CYRIB: variants seen among roughly 807,000 people sequenced by gnomAD.
The protein encoded by CYRIB is CYFIP-related Rac1 interactor B.
CYRIB carries 8 observed loss-of-function variants against 44.2 expected under a neutral mutation model. That is an observed-to-expected ratio of 0.18 (90% CI 0.11 to 0.33). The LOEUF is 0.33. CYRIB is among the 10% of genes least tolerant of loss of function. The pLI is 1.00. For missense variants in CYRIB, 185 were observed against 382.8 expected (o/e 0.48, Z 4.31); for synonymous variants, 131 against 127.2 (o/e 1.03, Z -0.20).
intron 2 of CYRIB, chr8:129,949,313 T>C (rs980730951): frequency 3.3e-5 from 5 of 152,196 alleles, no homozygotes; most frequent in Admixed American, 2.6e-4. Context: ...CAGAAAGTGA[T>C]TTCTACCCAT....
intron 2 of CYRIB, among the ~76,000 whole-genome samples, chr8:129,964,286 T>C (rs1309142659): frequency 6.6e-6 from 1 of 152,238 alleles, no homozygotes; most frequent in African/African-American, 2.4e-5. Context: ...CTTGCCTTTA[T>C]TGTTTCTAAA....
chr8:129,894,648 T>G (rs903258324), intron 2 of CYRIB: 3 of 152,118 alleles, frequency 2.0e-5, no homozygotes, highest in African/African-American at 7.2e-5. Context: ...GTGAATAGTA[T>G]CCAATACCCT....
intron 1 of CYRIB, among the ~76,000 whole-genome samples, chr8:129,990,331 A>G (rs1292663063): frequency 2.6e-5 from 4 of 152,224 alleles, no homozygotes; most frequent in Non-Finnish European, 4.4e-5. Context: ...ATGCATATGC[A>G]TGCTTTATAT....
At chr8:130,012,455 A>G (rs2060985) in intron 1 of CYRIB, among the ~76,000 whole-genome samples, 92,005 of 151,972 alleles carry the variant, frequency 0.61, 28,631 homozygotes, top group African/African-American at 0.77. Context: ...CATTGGATGC[A>G]GGGACAGATG....
At chr8:129,889,274 T>A (rs2064097807) in intron 2 of CYRIB, among the ~76,000 whole-genome samples, 2 of 152,168 alleles carry the variant, frequency 1.3e-5, no homozygotes, top group Admixed American at 1.3e-4. Flanking sequence ...TTTCAATAAA[T>A]TACTGCTCAC....
At chr8:129,944,295 A>G (rs2093981140), upstream of CYRIB, among the ~76,000 whole-genome samples, 1 of 152,156 alleles carries the variant, frequency 6.6e-6, no homozygotes, top group Non-Finnish European at 1.5e-5. Context: ...AGCGAGGATG[A>G]AGAACAGGCA....
intron 2 of CYRIB, among the ~76,000 whole-genome samples, chr8:129,887,632 A>G (rs1170696132): frequency 6.6e-6 from 1 of 152,216 alleles, no homozygotes; most frequent in Non-Finnish European, 1.5e-5. Flanking sequence ...CATGGGAGGT[A>G]AGCCCTGCAG....
intron 1 of CYRIB, among the ~76,000 whole-genome samples, chr8:130,010,714 A>G (rs1170362381): frequency 1.2e-4 from 18 of 151,986 alleles, no homozygotes; most frequent in Non-Finnish European, 1.5e-5. Flanking sequence ...TTTCGCATGC[A>G]TGCCTCCTCC....
chr8:129,857,686 T>C (rs1412513416), intron 5 of CYRIB, among the ~76,000 whole-genome samples: 1 of 152,140 alleles, frequency 6.6e-6, no homozygotes, highest in Non-Finnish European at 1.5e-5. Flanking sequence ...GGTGTAACAG[T>C]GGATGTGAAG....
chr8:129,905,834 T>C (rs1345140878), intron 1 of CYRIB, among the ~76,000 whole-genome samples: 2 of 152,130 alleles, frequency 1.3e-5, no homozygotes, highest in African/African-American at 4.8e-5. Flanking sequence ...CCCTTAGAAA[T>C]CAAATATCAG....
intron 1 of CYRIB, chr8:130,008,186 G>A (rs2097147826): frequency 6.6e-6 from 1 of 152,318 alleles, no homozygotes; most frequent in African/African-American, 2.4e-5. Context: ...TCCAGCCTGG[G>A]TGACAGAGCG....
chr8:129,899,886 GGTCTTTGTA>G (rs1175175460), intron 2 of CYRIB, among the ~76,000 whole-genome samples: 1 of 152,106 alleles, frequency 6.6e-6, no homozygotes, highest in African/African-American at 2.4e-5. Context: ...GTAAGGATAT[GGTCTTTGTA>G]GTCTCTTTCA....
At chr8:129,856,967 A>C (rs1467516192) in intron 5 of CYRIB, among the ~76,000 whole-genome samples, 1 of 152,208 alleles carries the variant, frequency 6.6e-6, no homozygotes, top group Non-Finnish European at 1.5e-5. Context: ...TACTTCTGTA[A>C]CCCTACAAAA....
chr8:129,853,362 T>C (rs2044380921), intron 7 of CYRIB, among the ~76,000 whole-genome samples: 1 of 152,222 alleles, frequency 6.6e-6, no homozygotes, highest in Non-Finnish European at 1.5e-5. Context: ...AAATTACAGA[T>C]GTTTCATAAA....
At chr8:129,928,264 T>C (rs1205142053) in intron 1 of CYRIB, among the ~76,000 whole-genome samples, 1 of 149,546 alleles carries the variant, frequency 6.7e-6, no homozygotes, top group East Asian at 2.0e-4. Context: ...ACTTGAGCCC[T>C]GAGTTTGAGT....
chr8:129,912,909 A>C (rs1268132419), intron 1 of CYRIB, among the ~76,000 whole-genome samples: 1 of 152,096 alleles, frequency 6.6e-6, no homozygotes, highest in African/African-American at 2.4e-5. Context: ...TGATAAATTT[A>C]AATACAAAGC....
At chr8:129,895,902 T>C (rs1012160360) in intron 2 of CYRIB, among the ~76,000 whole-genome samples, 2 of 152,248 alleles carry the variant, frequency 1.3e-5, no homozygotes, top group Non-Finnish European at 2.9e-5. Flanking sequence ...TATATATTCC[T>C]AGATTTGGTT....
At chr8:129,884,385 T>C (rs1300233509) in intron 2 of CYRIB, among the ~76,000 whole-genome samples, 1 of 152,030 alleles carries the variant, frequency 6.6e-6, no homozygotes, top group African/African-American at 2.4e-5. Context: ...GCCTCCCAGG[T>C]TCAAGTGATT....
intron 1 of CYRIB, among the ~76,000 whole-genome samples, chr8:130,013,996 C>A (rs1456142444): frequency 1.3e-5 from 2 of 152,204 alleles, no homozygotes; most frequent in Non-Finnish European, 2.9e-5. Context: ...GTGAGCTCTG[C>A]AGGCTGAAGA....
Sources: allele counts gnomAD v4.1 joint callset (sites outside exome capture counted in the v4.1 genomes callset), GRCh38; gene constraint gnomAD v4.1.1; transcripts MANE v1.5; gene names NCBI Gene and HGNC (gene_info 2026-07-23, HGNC 2026-07-21).